Variants in CD300LF observed in about 807,000 individuals in gnomAD.
CD300LF encodes CMRF35-like molecule 1.
CD300LF carries 27 observed loss-of-function variants against 32.2 expected under a neutral mutation model. That is an observed-to-expected ratio of 0.84 (90% CI 0.62 to 1.15). The LOEUF (loss-of-function observed/expected upper bound fraction) is 1.15. Among genes scored for constraint, CD300LF ranks in the 50% most tolerant of loss-of-function variants. The probability of loss-of-function intolerance (pLI) is 0.00; values close to 1 mark genes in which losing one functional copy is unlikely to be tolerated. For missense variants in CD300LF, 348 were observed against 356.8 expected, an observed-to-expected ratio of 0.98 and a Z score of 0.20; for synonymous variants, 139 against 143.2, an observed-to-expected ratio of 0.97 and a Z score of 0.21.
At position 74,694,813 on chromosome 17, in the gene CD300LF, T is replaced by C. The variant is rs771597744; in HGVS notation, c.*283A>G. ...TACTTCATGATAATAATGATAACAT[T>C]TTTCTCATTATCATCTTCATCATTC... On this transcript the variant is annotated 3_prime_UTR_variant, in exon 7 of 7. Transcript: ENST00000326165. The C allele has an allele frequency of 4.8e-5, 15 of 310,018 alleles. No individual in the cohort carries two copies. Among genetic ancestry groups the C allele is most frequent in the Non-Finnish European group, 8.3e-5 (14 of 169,612 alleles). 19.2% of individuals were successfully genotyped at this position (310,018 alleles called of 1,614,324 possible).
intron 1 of CD300LF, among the ~76,000 whole-genome samples, chr17:74,710,705 G>GA (rs1263589772): frequency 0.1 from 9,429 of 90,528 alleles, 425 homozygotes; most frequent in Non-Finnish European, 0.16. Flanking sequence ...CTAAAAATAC[G>GA]AAAAAAAAAA....
intron 1 of CD300LF, among the ~76,000 whole-genome samples, chr17:74,708,276 G>A (rs1002236674): frequency 1.3e-5 from 2 of 151,956 alleles, no homozygotes; most frequent in Non-Finnish European, 2.9e-5. Context: ...CAAATCCCTT[G>A]TTTAAAACTT....
chr17:74,698,337 G>C (rs1049756137), intron 4 of CD300LF, 32 bp downstream of exon 4: 2 of 1,492,040 alleles, frequency 1.3e-6, no homozygotes, highest in Admixed American at 3.4e-5. Context: ...ACCCGGCCCA[G>C]TCTCAGCCCA....
intron 3 of CD300LF, among the ~76,000 whole-genome samples, chr17:74,700,104 T>C (rs1213157779): frequency 6.6e-6 from 1 of 151,820 alleles, no homozygotes; most frequent in Non-Finnish European, 1.5e-5. Context: ...ATCGCGCCAC[T>C]GCACTCCAGC....
intron 4 of CD300LF, among the ~76,000 whole-genome samples, chr17:74,697,123 T>C (rs2032560445): frequency 6.6e-6 from 1 of 152,178 alleles, no homozygotes; most frequent in South Asian, 2.1e-4. Context: ...TTTGCATTTT[T>C]AGTAGAGAAG....
At chr17:74,696,548 G>A (rs540493631) in intron 4 of CD300LF, among the ~76,000 whole-genome samples, 1 of 152,214 alleles carries the variant, frequency 6.6e-6, no homozygotes, top group Non-Finnish European at 1.5e-5. Context: ...ATCCCAACTC[G>A]GCCTGGAATT....
At chr17:74,695,376 C>A (rs1012271566) in intron 6 of CD300LF, 125 bp from the exon 7 acceptor site, 22 of 1,137,772 alleles carry the variant, frequency 1.9e-5, no homozygotes, top group Non-Finnish European at 2.0e-5. Context: ...CTCAAGCCCT[C>A]CAGCTTCCCC....
intron 1 of CD300LF, among the ~76,000 whole-genome samples, chr17:74,708,314 C>T (rs970113198): frequency 6.6e-6 from 1 of 152,068 alleles, no homozygotes; most frequent in Non-Finnish European, 1.5e-5. Context: ...CAGACCCATA[C>T]AGCTTCAATG....
chr17:74,704,878 G>T, intron 1 of CD300LF, 62 bp from the exon 2 acceptor site: 1 of 1,323,350 alleles, frequency 7.6e-7, no homozygotes, highest in Non-Finnish European at 1.1e-6. Flanking sequence ...ACAGCTTTCT[G>T]TTTAGGGAAT....
rs2032282457 is a variant in CD300LF at position 74,694,929 on chromosome 17, C to G, written c.*167G>C. The G allele has an allele frequency of 1.6e-6, 1 of 642,552 alleles. No homozygotes were observed. The highest frequency in any genetic ancestry group is 2.5e-5 in the South Asian group (1 of 40,406). 39.8% of individuals were successfully genotyped at this position (642,552 alleles called of 1,614,324 possible). A position where few individuals can be genotyped will look rare whatever the true frequency, so the allele number is the denominator to read the frequency against. ...AGAAAACCCCAACTCCTAGAAGCCC[C>G]CTGAGACTTGGCCCCAAGCCCAACC... On this transcript the variant is annotated 3_prime_UTR_variant, in exon 7 of 7. Coordinates refer to ENST00000326165, the MANE Select transcript of CD300LF (RefSeq NM_139018.5).
rs779014592 is a variant in CD300LF, at chr17:74,712,830, G to A, written c.37C>T (p.Leu13Phe). ...CAGACCCAGGCCCGCTCACCTGAGA[G>A]CCAGAAGAGGAGCAGGTAGAGTGTC... ...LLTLYLLLFW[L>F]SGYSIVTQIT... Residue 13 changes from leucine to phenylalanine, a missense_variant, in exon 1 of 7, where the codon CTC (leucine) becomes TTC (phenylalanine). Coordinates refer to ENST00000326165, the MANE Select transcript of CD300LF (RefSeq NM_139018.5). The A allele has an allele frequency of 3.3e-5, 54 of 1,613,930 alleles. No individual in the cohort carries two copies. Among genetic ancestry groups the A allele is most frequent in the Non-Finnish European group, 4.1e-5 (48 of 1,179,986 alleles).
intron 1 of CD300LF, among the ~76,000 whole-genome samples, chr17:74,706,309 G>A (rs2033508634): frequency 6.8e-6 from 1 of 146,580 alleles, no homozygotes; most frequent in Non-Finnish European, 1.5e-5. Flanking sequence ...ATCCCAAAGT[G>A]CTGCGATTAT....
intron 1 of CD300LF, chr17:74,705,222 T>A: frequency 1.4e-6 from 1 of 702,506 alleles, no homozygotes; most frequent in South Asian, 1.5e-5. Flanking sequence ...TTAGCACTGA[T>A]GACCCTCATG....
At chr17:74,711,935 C>T (rs1166499006) in intron 1 of CD300LF, among the ~76,000 whole-genome samples, 1 of 130,934 alleles carries the variant, frequency 7.6e-6, no homozygotes, top group African/African-American at 2.9e-5. Context: ...AACAGAGTCT[C>T]GCTCTGTCAC....
chr17:74,708,184 GA>G (rs543996074), intron 1 of CD300LF, among the ~76,000 whole-genome samples: 43 of 147,508 alleles, frequency 2.9e-4, no homozygotes, highest in African/African-American at 8.7e-4. Flanking sequence ...AGAAAGAAAA[GA>G]AAAAAAATAC....
intron 1 of CD300LF, among the ~76,000 whole-genome samples, chr17:74,707,709 C>A: frequency 1.4e-5 from 2 of 145,024 alleles, no homozygotes; most frequent in Non-Finnish European, 1.5e-5. Context: ...AGTGAGACTC[C>A]ATCTCAGAAA....
At chr17:74,711,729 A>T (rs114944981) in intron 1 of CD300LF, among the ~76,000 whole-genome samples, 1 of 152,202 alleles carries the variant, frequency 6.6e-6, no homozygotes, top group African/African-American at 2.4e-5. Flanking sequence ...CGGCTCGGAC[A>T]GGCATCTGGG....
chr17:74,707,749 C>T (rs1022677515), intron 1 of CD300LF, among the ~76,000 whole-genome samples: 14 of 151,034 alleles, frequency 9.3e-5, no homozygotes, highest in Admixed American at 3.3e-4. Context: ...TGGTATATGA[C>T]TGTATATCCT....
chr17:74,695,692 C>T (rs1188205795), intron 6 of CD300LF, 33 bp downstream of exon 6: 4 of 1,613,746 alleles, frequency 2.5e-6, no homozygotes, highest in African/African-American at 2.7e-5. Flanking sequence ...TCCCCCTGCC[C>T]CAGCCTCACA....
Sources: gnomAD v4.1 joint callset for allele counts (sites outside exome capture counted in the v4.1 genomes callset) on GRCh38, gnomAD v4.1.1 for gene constraint, MANE v1.5 for transcripts, NCBI Gene and HGNC (gene_info 2026-07-23, HGNC 2026-07-21) for gene names.